The following UNC79 variants were observed in gnomAD, a reference collection of about 807,000 sequenced individuals.
The protein encoded by UNC79 is unc-79 subunit of NALCN channel complex.
In UNC79, 37 loss-of-function variants were observed where a neutral mutation model predicts 283.1. That is an observed-to-expected ratio of 0.13 (90% CI 0.10 to 0.17). The LOEUF (loss-of-function observed/expected upper bound fraction) is 0.17, where lower values mean the gene tolerates loss of function less well. Among genes scored for constraint, UNC79 ranks in the 10% least tolerant of loss-of-function variants. UNC79 has a pLI of 1.00. For synonymous variants in UNC79, 1,107 were observed against 1,200.2 expected, an observed-to-expected ratio of 0.92 and a Z score of 1.61; for missense variants, 2,272 against 3,211.1, an observed-to-expected ratio of 0.71 and a Z score of 7.07.
rs1158073507 is a variant in UNC79, at chr14:93,615,720, C to CAAAAAA, written c.4042-1382_4042-1377dup. Among the ~76,000 whole-genome samples, 140 of 23,040 alleles carry CAAAAAA rather than the reference C, an allele frequency of 6.1e-3. 1 individual carries two copies. Among genetic ancestry groups the CAAAAAA allele is most frequent in the Middle Eastern group, 0.036 (1 of 28 alleles). The allele number at this position is 23,040 out of a possible 152,430, so 15.1% of individuals were successfully genotyped here. A position where few individuals can be genotyped will look rare whatever the true frequency, so the allele number is the denominator to read the frequency against. On this transcript the variant is annotated intron_variant, in intron 27 of 48. Transcript: ENST00000555664. Reference sequence around the variant, plus strand: ...TGGGTGACAGAGTGAGACTCCATCTCAAAAAAAAAAAAAAAAAAAAAAAAA... The same window carrying CAAAAAA: ...TGGGTGACAGAGTGAGACTCCATCTCAAAAAAAAAAAAAAAAAAAAAAAAAAAAAAA...
At chr14:93,631,545 C>A (rs1007483112) in intron 31 of UNC79, among the ~76,000 whole-genome samples, 1 of 152,074 alleles carries the variant, frequency 6.6e-6, no homozygotes, top group Non-Finnish European at 1.5e-5. Context: ...GGGTTAATTA[C>A]GAGACTTTAG....
At chr14:93,612,698 A>G (rs1020367105) in intron 26 of UNC79, 99 bp from the exon 28 acceptor site, 31 of 1,481,206 alleles carry the variant, frequency 2.1e-5, no homozygotes, top group Admixed American at 6.4e-5. Context: ...AATTTTGTAG[A>G]CGCAGAAACA....
intron 35 of UNC79, among the ~76,000 whole-genome samples, chr14:93,649,186 G>A (rs1486442866): frequency 1.3e-5 from 2 of 152,128 alleles, no homozygotes; most frequent in East Asian, 3.8e-4. Context: ...CATAACTGTA[G>A]CAGGTCCTAC....
Position 93,474,293 on chromosome 14 carries a change from T to C in UNC79, c.348T>C (p.Asp116=). 1.3e-6 allele frequency: 2 copies of C among 1,536,090 alleles called. No homozygotes were observed. Among genetic ancestry groups the C allele is most frequent in the Non-Finnish European group, 1.7e-6 (2 of 1,146,866 alleles). Residue 116 remains aspartate (D), a synonymous_variant, in exon 3 of 49, where the codon GAT becomes GAC. Coordinates refer to ENST00000555664, the Ensembl canonical transcript of UNC79. This position sits in a 1 kb window ranked among gnomAD's most constrained non-coding sequence, Gnocchi z 4.1. Reference sequence around the variant, plus strand: ...CAGAACGCGGCCCGCAAAGTCGTGATGCTCAGTTGTCAGACTACCCTTCTT... The same window carrying C: ...CAGAACGCGGCCCGCAAAGTCGTGACGCTCAGTTGTCAGACTACCCTTCTT...
intron 1 of UNC79, among the ~76,000 whole-genome samples, chr14:93,454,444 T>TGTGTATGTAGC (rs111318017): frequency 0.61 from 92,030 of 151,704 alleles, 28,625 homozygotes; most frequent in Middle Eastern, 0.73. Flanking sequence ...TGTATGTGTA[T>TGTGTATGTAGC]ACATAATTAG....
At chr14:93,595,805 C>A (rs77907569) in intron 23 of UNC79, among the ~76,000 whole-genome samples, 2 of 152,112 alleles carry the variant, frequency 1.3e-5, no homozygotes, top group African/African-American at 2.4e-5. Context: ...TATAGTTGTA[C>A]GTGTCTTATC....
intron 37 of UNC79, among the ~76,000 whole-genome samples, chr14:93,654,959 T>C (rs1376310033): frequency 6.6e-6 from 1 of 152,236 alleles, no homozygotes; most frequent in African/African-American, 2.4e-5. Context: ...GCATCATTCA[T>C]TGTTTTCTTA....
intron 1 of UNC79, among the ~76,000 whole-genome samples, chr14:93,392,047 C>T (rs904973747): frequency 1.3e-5 from 2 of 152,204 alleles, no homozygotes; most frequent in African/African-American, 4.8e-5. Context: ...GAAGATGAGG[C>T]AGTCCTGTGA....
chr14:93,634,469 G>A lies in UNC79; in HGVS notation c.5717-2747G>A, dbSNP rs1056969296. ...TTCTATATGGATGTGTGGAGCCTTT[G>A]TGTGCTGTGGAAATTTATTATTATA... On this transcript the variant is annotated intron_variant, in intron 31 of 48. Coordinates refer to ENST00000555664, the Ensembl canonical transcript of UNC79. The A allele has an allele frequency of 2.2e-6, 3 of 1,367,792 alleles. No individual in the cohort carries two copies. In the African/African-American group the frequency reaches 4.3e-5, roughly 20 times the overall value. The allele number at this position is 1,367,792 out of a possible 1,614,324, so 84.7% of individuals were successfully genotyped here.
At chr14:93,626,520 C>A (rs559685612) in intron 30 of UNC79, among the ~76,000 whole-genome samples, 1 of 152,232 alleles carries the variant, frequency 6.6e-6, no homozygotes, top group Admixed American at 6.5e-5. Flanking sequence ...CTTTCTTAAA[C>A]AAACAAAAGC....
At chr14:93,611,204 G>C (rs1157043282) in intron 26 of UNC79, among the ~76,000 whole-genome samples, 1 of 152,140 alleles carries the variant, frequency 6.6e-6, no homozygotes, top group Non-Finnish European at 1.5e-5. Context: ...TTGATAAAAA[G>C]TTTCTCTAAA....
intron 46 of UNC79, among the ~76,000 whole-genome samples, chr14:93,693,645 C>T (rs757274587): frequency 1.3e-5 from 2 of 152,056 alleles, no homozygotes; most frequent in African/African-American, 2.4e-5. Context: ...AATAAAGCCT[C>T]GGAAGCAGAT....
intron 1 of UNC79, among the ~76,000 whole-genome samples, chr14:93,361,556 A>C (rs1408645565): frequency 1.3e-5 from 2 of 152,122 alleles, no homozygotes; most frequent in Non-Finnish European, 2.9e-5. Context: ...TTATACCCTA[A>C]AACTTTGCTG....
chr14:93,615,542 T>C (rs988295533), intron 27 of UNC79, among the ~76,000 whole-genome samples: 3 of 151,306 alleles, frequency 2.0e-5, no homozygotes, highest in African/African-American at 7.3e-5. Flanking sequence ...GCCAATATGG[T>C]GAAACCCTGT....
At chr14:93,507,214 C>A (rs2059589585) in intron 7 of UNC79, among the ~76,000 whole-genome samples, 1 of 152,096 alleles carries the variant, frequency 6.6e-6, no homozygotes, top group South Asian at 2.1e-4. Context: ...ATATCTTATA[C>A]AAGTTTTTTT....
At chr14:93,629,563 C>A (rs1273561976) in intron 30 of UNC79, among the ~76,000 whole-genome samples, 1 of 152,236 alleles carries the variant, frequency 6.6e-6, no homozygotes, top group East Asian at 1.9e-4. Flanking sequence ...ACCATACCTA[C>A]TTGAAAGGCC....
intron 42 of UNC79, among the ~76,000 whole-genome samples, chr14:93,685,408 AC>A (rs1408209970): frequency 1.3e-5 from 2 of 152,192 alleles, no homozygotes; most frequent in Admixed American, 6.5e-5. Flanking sequence ...GAACACAATA[AC>A]CTTTTATAAT....
At position 93,621,969 on chromosome 14, in the gene UNC79, C is replaced by G; in HGVS notation, c.4736C>G (p.Pro1579Arg). 1.2e-6 allele frequency: 2 copies of G among 1,613,926 alleles called. No homozygotes were observed. The highest frequency in any genetic ancestry group is 1.7e-5 in the Admixed American group (1 of 59,986). Reference sequence around the variant, plus strand: ...CCAGATGCTCGAAGGCCTGTCATACCAGAGGTTAGGTTAAACTGTATGGAG... The same window carrying G: ...CCAGATGCTCGAAGGCCTGTCATACGAGAGGTTAGGTTAAACTGTATGGAG... Residue 1579 changes from proline to arginine, a missense_variant, in exon 30 of 49, where the codon CCA (proline) becomes CGA (arginine). Physicochemically the swap from Pro to Arg is moderately radical, Grantham distance 103 (BLOSUM62 -2). This residue lies in a region of UNC79 where 580 missense variants were observed against 632.2 expected (regional missense o/e 0.92). Transcript: ENST00000555664. The surrounding 1 kb of genome is among the most constrained non-coding windows in gnomAD (Gnocchi z 4.8).
chr14:93,422,857 G>A (rs1402710739), intron 1 of UNC79, among the ~76,000 whole-genome samples: 1 of 151,808 alleles, frequency 6.6e-6, no homozygotes, highest in African/African-American at 2.4e-5. Flanking sequence ...TCAGGAGACT[G>A]AGACCATCCT....
Sources: allele counts gnomAD v4.1 joint callset (sites outside exome capture counted in the v4.1 genomes callset), GRCh38; gene constraint gnomAD v4.1.1; regional missense constraint gnomAD v4.1.1; non-coding constraint Gnocchi (gnomAD v3.1); transcripts MANE v1.5; gene names NCBI Gene and HGNC (gene_info 2026-07-23, HGNC 2026-07-21).